The following LRP6 variants were observed in gnomAD, a reference collection of about 807,000 sequenced individuals.
The protein encoded by LRP6 is low-density lipoprotein receptor-related protein 6.
LRP6 carries 43 observed loss-of-function variants against 184.1 expected under a neutral mutation model. The observed-to-expected ratio is 0.23, with a 90% CI of 0.18 to 0.30. The LOEUF (loss-of-function observed/expected upper bound fraction) is 0.30, where lower values mean the gene tolerates loss of function less well. Among genes scored for constraint, LRP6 ranks in the 10% least tolerant of loss-of-function variants. The probability of loss-of-function intolerance (pLI) is 1.00; values close to 1 mark genes in which losing one functional copy is unlikely to be tolerated. For synonymous variants in LRP6, 719 were observed against 684.9 expected, an observed-to-expected ratio of 1.05 and a Z score of -0.78; for missense variants, 1,571 against 2,005.3, an observed-to-expected ratio of 0.78 and a Z score of 4.14.
At position 12,266,929 on chromosome 12, in the gene LRP6, C is replaced by A; in HGVS notation, c.-194G>T. 3.4e-6 allele frequency: 2 copies of A among 593,376 alleles called. No homozygotes were observed. Among genetic ancestry groups the A allele is most frequent in the Middle Eastern group, 4.5e-4 (1 of 2,204 alleles). 36.8% of individuals were successfully genotyped at this position (593,376 alleles called of 1,614,324 possible). On this transcript the variant is annotated 5_prime_UTR_variant, in exon 1 of 23. Coordinates refer to ENST00000261349, the MANE Select transcript of LRP6 (RefSeq NM_002336.3). ...GCCCTCTCTACCGCGCCGCTCGGCC[C>A]CGGGCTCGCGCGACGCCAGCGTCTG...
At chr12:12,132,098 T>C in intron 17 of LRP6, 41 bp from the exon 18 acceptor site, 1 of 1,307,548 alleles carries the variant, frequency 7.6e-7, no homozygotes. Context: ...AAAAACACAA[T>C]CATGGTCACA....
chr12:12,141,447 T>C (rs1949933189), intron 15 of LRP6, among the ~76,000 whole-genome samples: 1 of 152,132 alleles, frequency 6.6e-6, no homozygotes, highest in Non-Finnish European at 1.5e-5. Flanking sequence ...GAAAGCAAAT[T>C]ATCAACCAAG....
intron 1 of LRP6, among the ~76,000 whole-genome samples, chr12:12,260,594 A>C (rs1426603829): frequency 6.6e-6 from 1 of 152,192 alleles, no homozygotes; most frequent in African/African-American, 2.4e-5. Flanking sequence ...CCAGAGTATA[A>C]TGTTTCTTTT....
In LRP6 at chr12:12,181,099, G is replaced by T. The variant is rs201529593; in HGVS notation, c.1317C>A (p.Ile439=). ...GTTCCTCTAAGTCCTCTGAAATCAAGATCTTCCTCATGGTCCCATTGAGCC... is the reference window on the plus strand; with the variant it reads ...GTTCCTCTAAGTCCTCTGAAATCAATATCTTCCTCATGGTCCCATTGAGCC... ...VTRLNGTMRK[I]LISEDLEEPR... is the part of the protein sequence containing the mutation. Residue 439 remains isoleucine, a synonymous_variant, in exon 6 of 23, where the codon ATC becomes ATA. Coordinates refer to ENST00000261349, the MANE Select transcript of LRP6 (RefSeq NM_002336.3). 1 of 1,614,060 alleles carries T rather than the reference G, an allele frequency of 6.2e-7. No individual in the cohort carries two copies. The highest frequency in any genetic ancestry group is 2.2e-5 in the East Asian group (1 of 44,878).
At chr12:12,159,407 T>C (rs1423745781) in intron 11 of LRP6, among the ~76,000 whole-genome samples, 1 of 152,218 alleles carries the variant, frequency 6.6e-6, no homozygotes, top group Non-Finnish European at 1.5e-5. Context: ...CTAAAATTCT[T>C]GCAAATGGTC....
intron 2 of LRP6, among the ~76,000 whole-genome samples, chr12:12,237,129 A>G (rs1471808184): frequency 1.3e-5 from 2 of 152,180 alleles, no homozygotes; most frequent in African/African-American, 4.8e-5. Flanking sequence ...CCAAGGGATT[A>G]GGAGTTCCAT....
chr12:12,117,695 T>C lies in LRP6; in HGVS notation c.*3431A>G, dbSNP rs185631911. On this transcript the variant is annotated 3_prime_UTR_variant, in exon 23 of 23. Coordinates refer to ENST00000261349, the MANE Select transcript of LRP6 (RefSeq NM_002336.3). ...AAATAAACACACTTCATTAACACAC[T>C]AGGTAAGCTACAGCTATTAACTCTA... 6.6e-6 allele frequency: 1 copy of C among 152,316 alleles called. No individual in the cohort carries two copies. The highest frequency in any genetic ancestry group is 6.5e-5 in the Admixed American group (1 of 15,296). The allele number at this position is 152,316 out of a possible 1,614,324, so 9.4% of individuals were successfully genotyped here. A position where few individuals can be genotyped will look rare whatever the true frequency, so the allele number is the denominator to read the frequency against.
chr12:12,137,507 G>GA (rs1013538353), intron 16 of LRP6, among the ~76,000 whole-genome samples: 1 of 151,882 alleles, frequency 6.6e-6, no homozygotes, highest in Non-Finnish European at 1.5e-5. Flanking sequence ...CAAAGGGGGG[G>GA]AAAAAAACCA....
chr12:12,200,365 T>C (rs1302900193), intron 3 of LRP6, among the ~76,000 whole-genome samples: 3 of 152,192 alleles, frequency 2.0e-5, no homozygotes, highest in African/African-American at 7.2e-5. Flanking sequence ...TTCAGGAATC[T>C]TCACTTTTTA....
At chr12:12,134,435 G>C (rs149493048) in intron 17 of LRP6, among the ~76,000 whole-genome samples, 236 of 152,204 alleles carry the variant, frequency 1.6e-3, no homozygotes, top group Non-Finnish European at 2.7e-3. Context: ...TCTGAATTAA[G>C]GGTATGAATA....
chr12:12,165,613 ATT>A (rs1161075760), intron 7 of LRP6, among the ~76,000 whole-genome samples: 1 of 152,184 alleles, frequency 6.6e-6, no homozygotes, highest in Non-Finnish European at 1.5e-5. Flanking sequence ...AAGTTTGCAC[ATT>A]TGTTTTCAAA....
At chr12:12,137,924 AGGCCAAGGTG>A (rs1949867097) in intron 16 of LRP6, among the ~76,000 whole-genome samples, 1 of 152,044 alleles carries the variant, frequency 6.6e-6, no homozygotes, top group Non-Finnish European at 1.5e-5. Context: ...GCACTTTGGG[AGGCCAAGGTG>A]GGCAGATCAC....
intron 2 of LRP6, among the ~76,000 whole-genome samples, chr12:12,208,571 GA>G (rs1227820121): frequency 1.3e-5 from 2 of 152,138 alleles, no homozygotes; most frequent in Non-Finnish European, 2.9e-5. Flanking sequence ...AGAGTTTGTA[GA>G]TAAACTATAA....
rs571264605 is a variant in LRP6 at position 12,244,390 on chromosome 12, T to C, written c.321A>G (p.Glu107=). The change falls in exon 2 of 23, where the codon GAA becomes GAG. Residue 107 remains glutamate (E), a synonymous_variant. Transcript: ENST00000261349. ...PDGLACDWLG[E]KLYWTDSETN... Reference sequence around the variant, plus strand: ...TTTCAGAATCTGTCCAGTACAATTTTTCTCCAAGCCAATCACATGCCAGCC... The same window carrying C: ...TTTCAGAATCTGTCCAGTACAATTTCTCTCCAAGCCAATCACATGCCAGCC... 2.5e-4 allele frequency: 398 copies of C among 1,614,252 alleles called. 8 individuals are homozygous for C. The South Asian group carries it at 4.1e-3, about 17-fold the overall frequency.
At chr12:12,218,857 C>G (rs935821963) in intron 2 of LRP6, among the ~76,000 whole-genome samples, 2 of 152,050 alleles carry the variant, frequency 1.3e-5, no homozygotes, top group African/African-American at 4.8e-5. Context: ...CAGGAAGAGA[C>G]AAAGAATAGC....
At position 12,116,896 on chromosome 12, in the gene LRP6, T is replaced by C. The variant is rs1217806479; in HGVS notation, c.*4230A>G. On this transcript the variant is annotated 3_prime_UTR_variant, in exon 23 of 23. Coordinates refer to ENST00000261349, the MANE Select transcript of LRP6 (RefSeq NM_002336.3). Reference sequence around the variant, plus strand: ...TTCCACTCCACTCAGGTACAGGCTTTATGAGACGTAGATCAAGTCAGACAA... The same window carrying C: ...TTCCACTCCACTCAGGTACAGGCTTCATGAGACGTAGATCAAGTCAGACAA... 6.6e-6 allele frequency: 1 copy of C among 152,156 alleles called. No individual in the cohort carries two copies. Among genetic ancestry groups the C allele is most frequent in the Non-Finnish European group, 1.5e-5 (1 of 68,016 alleles). The allele number at this position is 152,156 out of a possible 1,614,324, so 9.4% of individuals were successfully genotyped here.
Position 12,165,182 on chromosome 12 carries a change from A to T in LRP6, c.1659T>A (p.Arg553=). 1 of 1,614,024 alleles carries T rather than the reference A, an allele frequency of 6.2e-7. No homozygotes were observed. The highest frequency in any genetic ancestry group is 8.5e-7 in the Non-Finnish European group (1 of 1,179,930). The change falls in exon 8 of 23, where the codon CGT becomes CGA. Residue 553 remains arginine (R), a synonymous_variant. Coordinates refer to ENST00000261349, the MANE Select transcript of LRP6 (RefSeq NM_002336.3). ...TTCGTTTATGAACTCTTTCAATGCT[A>T]CGCCTCTGCCAGTCAGTCCAGTAAA... ...DYVYWTDWQR[R]SIERVHKRSA... is the part of the protein sequence containing the mutation.
At chr12:12,189,751 T>C (rs1422228651) in intron 3 of LRP6, among the ~76,000 whole-genome samples, 2 of 152,204 alleles carry the variant, frequency 1.3e-5, no homozygotes, top group African/African-American at 4.8e-5. Context: ...TCTGCCCACC[T>C]TGGCCTCCTA....
At chr12:12,236,021 C>G (rs1212292013) in intron 2 of LRP6, among the ~76,000 whole-genome samples, 1 of 152,010 alleles carries the variant, frequency 6.6e-6, no homozygotes, top group Non-Finnish European at 1.5e-5. Context: ...GTCAGGAGAT[C>G]GAGACCATCC....
Sources: allele counts gnomAD v4.1 joint callset (sites outside exome capture counted in the v4.1 genomes callset), GRCh38; gene constraint gnomAD v4.1.1; transcripts MANE v1.5; gene names NCBI Gene and HGNC (gene_info 2026-07-23, HGNC 2026-07-21).